The following NEK11 variants were observed in gnomAD, a reference collection of about 807,000 sequenced individuals.
The protein encoded by NEK11 is serine/threonine-protein kinase Nek11.
In NEK11, 72 loss-of-function variants were observed where a neutral mutation model predicts 80.7. The ratio of observed to expected loss-of-function variants is 0.89; its 90% CI spans 0.74 to 1.08. The LOEUF is 1.08. NEK11 is among the 50% of genes least tolerant of loss of function. The pLI, the probability that NEK11 is intolerant of heterozygous loss-of-function variation, is 0.00. For synonymous variants in NEK11, 251 were observed against 260.7 expected (o/e 0.96, Z 0.36); for missense variants, 764 against 763.6 (o/e 1.00, Z -0.01).
chr3:131,327,719 A>AAAT (rs751779520), intron 17 of NEK11: 1 of 150,730 alleles, frequency 6.6e-6, no homozygotes, highest in Non-Finnish European at 1.5e-5. Context: ...ATGGTGGTTC[A>AAAT]AATTCCAGGG....
chr3:131,181,584 A>C (rs2093347915), intron 14 of NEK11, among the ~76,000 whole-genome samples: 1 of 151,952 alleles, frequency 6.6e-6, no homozygotes, highest in South Asian at 2.1e-4. Context: ...ATCTCTACTA[A>C]AAATACAAAA....
intron 17 of NEK11, among the ~76,000 whole-genome samples, chr3:131,319,973 T>C (rs2096881589): frequency 1.3e-5 from 2 of 152,130 alleles, no homozygotes; most frequent in Non-Finnish European, 2.9e-5. Context: ...AATATTCTAA[T>C]TAATCTGAAC....
chr3:131,113,782 G>C (rs1257717990), intron 5 of NEK11, among the ~76,000 whole-genome samples: 1 of 151,808 alleles, frequency 6.6e-6, no homozygotes, highest in Admixed American at 6.6e-5. Context: ...CATGGCGGCA[G>C]GCACCTGTAA....
At chr3:131,154,920 C>T in intron 9 of NEK11, 116 bp from the exon 10 acceptor site, 1 of 625,912 alleles carries the variant, frequency 1.6e-6, no homozygotes, top group Non-Finnish European at 2.9e-6. Context: ...GCTTTGTTCT[C>T]AGGCTCCCTG....
At chr3:131,323,636 A>G (rs555164807) in intron 17 of NEK11, among the ~76,000 whole-genome samples, 1 of 152,272 alleles carries the variant, frequency 6.6e-6, no homozygotes, top group South Asian at 2.1e-4. Context: ...CGTGAAAATC[A>G]ATTTTTATTT....
intron 3 of NEK11, among the ~76,000 whole-genome samples, chr3:131,042,106 A>C (rs1193061797): frequency 1.3e-5 from 2 of 152,344 alleles, no homozygotes; most frequent in East Asian, 3.9e-4. Flanking sequence ...TTCACAGACC[A>C]GGAGATTCCA....
At chr3:131,039,503 A>G (rs2066137887) in intron 3 of NEK11, among the ~76,000 whole-genome samples, 1 of 152,056 alleles carries the variant, frequency 6.6e-6, no homozygotes, top group Non-Finnish European at 1.5e-5. Context: ...CCCTTTTACC[A>G]TTGCTTACTT....
intron 12 of NEK11, among the ~76,000 whole-genome samples, chr3:131,167,326 T>C (rs1286784198): frequency 6.6e-6 from 1 of 152,276 alleles, no homozygotes; most frequent in Middle Eastern, 3.4e-3. Flanking sequence ...CCCCCTAAGA[T>C]TGAAAATTGA....
chr3:131,317,257 C>G (rs1165015857), intron 17 of NEK11, among the ~76,000 whole-genome samples: 4 of 152,144 alleles, frequency 2.6e-5, no homozygotes, highest in Non-Finnish European at 5.9e-5. Context: ...TGTGACAGAG[C>G]TTTAGAGATG....
chr3:131,273,147 T>C (rs1005123617), intron 16 of NEK11, among the ~76,000 whole-genome samples: 9 of 152,222 alleles, frequency 5.9e-5, no homozygotes, highest in Non-Finnish European at 1.0e-4. Context: ...CAAAGGGTCC[T>C]CAGGAACACT....
chr3:131,230,636 T>C (rs1183462622), intron 15 of NEK11, among the ~76,000 whole-genome samples: 1 of 152,198 alleles, frequency 6.6e-6, no homozygotes, highest in Non-Finnish European at 1.5e-5. Flanking sequence ...TAAAAATTCC[T>C]TCTTATTAGT....
chr3:131,214,289 G>T (rs1442983537), intron 14 of NEK11, among the ~76,000 whole-genome samples: 1 of 152,176 alleles, frequency 6.6e-6, no homozygotes, highest in Non-Finnish European at 1.5e-5. Context: ...AGGTTGGTGA[G>T]TTATCACCAT....
chr3:131,112,260 A>G (rs932174426), intron 5 of NEK11, among the ~76,000 whole-genome samples: 4 of 152,178 alleles, frequency 2.6e-5, no homozygotes, highest in African/African-American at 9.6e-5. Context: ...ACAATACACA[A>G]TTGATAATAA....
intron 17 of NEK11, among the ~76,000 whole-genome samples, chr3:131,347,461 C>G (rs1490597910): frequency 2.0e-5 from 3 of 152,164 alleles, no homozygotes; most frequent in Non-Finnish European, 4.4e-5. Flanking sequence ...ACCTATTCAT[C>G]TCTTTATCGG....
At chr3:131,248,890 C>A (rs2095650768) in intron 16 of NEK11, among the ~76,000 whole-genome samples, 1 of 152,096 alleles carries the variant, frequency 6.6e-6, no homozygotes, top group African/African-American at 2.4e-5. Flanking sequence ...TCACTCTTAT[C>A]TGTTTTATAA....
chr3:131,087,118 A>T (rs1560332694), intron 4 of NEK11, among the ~76,000 whole-genome samples: 2 of 149,884 alleles, frequency 1.3e-5, no homozygotes, highest in African/African-American at 4.9e-5. Context: ...ACTGTTACTC[A>T]CCCCCCTTTC....
chr3:131,104,400 A>G (rs1440201032), intron 4 of NEK11, among the ~76,000 whole-genome samples: 1 of 152,090 alleles, frequency 6.6e-6, no homozygotes, highest in African/African-American at 2.4e-5. Flanking sequence ...GCCTTACTGT[A>G]TGGCAGCTGT....
intron 3 of NEK11, among the ~76,000 whole-genome samples, chr3:131,050,404 G>A (rs749239977): frequency 4.6e-5 from 7 of 152,088 alleles, no homozygotes; most frequent in Admixed American, 6.6e-5. Context: ...CGTGCTGCAC[G>A]GTTCATCTAT....
At chr3:131,264,720 T>G (rs2096011734) in intron 16 of NEK11, among the ~76,000 whole-genome samples, 1 of 152,164 alleles carries the variant, frequency 6.6e-6, no homozygotes, top group African/African-American at 2.4e-5. Flanking sequence ...CCATATGAAC[T>G]TTAAAGTAGT....
Sources: allele counts gnomAD v4.1 joint callset (sites outside exome capture counted in the v4.1 genomes callset), GRCh38; gene constraint gnomAD v4.1.1; transcripts MANE v1.5; gene names NCBI Gene and HGNC (gene_info 2026-07-23, HGNC 2026-07-21).